The following CHRNA7 variants were observed in gnomAD, a reference collection of about 807,000 sequenced individuals.
The protein encoded by CHRNA7 is neuronal acetylcholine receptor subunit alpha-7.
CHRNA7 carries 17 observed loss-of-function variants against 48.0 expected under a neutral mutation model. The ratio of observed to expected loss-of-function variants is 0.35; its 90% CI spans 0.24 to 0.53. The LOEUF (loss-of-function observed/expected upper bound fraction) is 0.53, where lower values mean the gene tolerates loss of function less well. Ranked by LOEUF, CHRNA7 falls within the 20% of genes least tolerant of loss-of-function variation. The pLI is 0.92. For synonymous variants in CHRNA7, 75 were observed against 242.3 expected, an observed-to-expected ratio of 0.31 and a Z score of 6.41; for missense variants, 155 against 577.7, an observed-to-expected ratio of 0.27 and a Z score of 7.50.
chr15:32,081,324 T>C (rs2141232542), intron 2 of CHRNA7, among the ~76,000 whole-genome samples: 1 of 152,254 alleles, frequency 6.6e-6, no homozygotes, highest in Admixed American at 6.5e-5. Flanking sequence ...AATAAATAAA[T>C]TACTGTACTT....
intron 2 of CHRNA7, among the ~76,000 whole-genome samples, chr15:32,070,761 A>G (rs1019947124): frequency 3.0e-5 from 4 of 135,504 alleles, no homozygotes; most frequent in Non-Finnish European, 6.1e-5. Context: ...ATCTTGGCTC[A>G]CTGCAAACTC....
chr15:32,094,850 C>T (rs867731725), intron 2 of CHRNA7, among the ~76,000 whole-genome samples: 14 of 152,072 alleles, frequency 9.2e-5, no homozygotes, highest in African/African-American at 1.4e-4. Flanking sequence ...TTATTAGAGA[C>T]GGGGTTTCAC....
intron 2 of CHRNA7, among the ~76,000 whole-genome samples, chr15:32,089,308 G>GT (rs958938408): frequency 2.2e-4 from 32 of 147,250 alleles, no homozygotes; most frequent in Middle Eastern, 3.5e-3. Flanking sequence ...TGGATAATCT[G>GT]TTTTTTTTTT....
At chr15:32,106,822 A>G (rs1250087143) in intron 3 of CHRNA7, among the ~76,000 whole-genome samples, 1 of 152,180 alleles carries the variant, frequency 6.6e-6, no homozygotes, top group African/African-American at 2.4e-5. Context: ...TATGGTACTA[A>G]TAGCATTCAC....
chr15:32,030,547 C>G lies in CHRNA7; in HGVS notation c.-48C>G, dbSNP rs201089931. Reference sequence around the variant, plus strand: ...TGGCCGCAGGCGCAGGCCCGGGCGACAGCCGAGACGTGGAGCGCGCCGGCT... The same window carrying G: ...TGGCCGCAGGCGCAGGCCCGGGCGAGAGCCGAGACGTGGAGCGCGCCGGCT... On this transcript the variant is annotated 5_prime_UTR_variant, in exon 1 of 10. Transcript: ENST00000306901. The G allele has an allele frequency of 1.7e-5, 24 of 1,423,852 alleles. No homozygotes were observed. Among genetic ancestry groups the G allele is most frequent in the Admixed American group, 5.7e-5 (2 of 35,054 alleles). The allele number at this position is 1,423,852 out of a possible 1,614,324, so 88.2% of individuals were successfully genotyped here.
At chr15:32,105,093 C>T (rs2050640848) in intron 3 of CHRNA7, among the ~76,000 whole-genome samples, 1 of 152,154 alleles carries the variant, frequency 6.6e-6, no homozygotes, top group Non-Finnish European at 1.5e-5. Flanking sequence ...AGGGTGTCAC[C>T]AGAGACCTCT....
intron 2 of CHRNA7, among the ~76,000 whole-genome samples, chr15:32,095,214 GA>G (rs2050447651): frequency 6.6e-6 from 1 of 152,212 alleles, no homozygotes. Flanking sequence ...TGTATCCCGA[GA>G]GGGCCAGGCC....
At position 32,170,552 on chromosome 15, in the gene CHRNA7, G is replaced by T. The variant is rs2052396809; in HGVS notation, c.*2094G>T. The T allele has an allele frequency of 1.4e-5, 2 of 146,618 alleles. No homozygotes were observed. The highest frequency in any genetic ancestry group is 4.5e-4 in the South Asian group (2 of 4,480). The allele number at this position is 146,618 out of a possible 1,614,324, so 9.1% of individuals were successfully genotyped here. On this transcript the variant is annotated 3_prime_UTR_variant, in exon 10 of 10. Transcript: ENST00000306901. ...CCCTCCCACATTTTTGCTTTAAAAA[G>T]AAACCTTTTTGGTTTTGTATTTTAT...
chr15:32,097,727 A>G (rs2050496136), intron 2 of CHRNA7, among the ~76,000 whole-genome samples: 1 of 152,186 alleles, frequency 6.6e-6, no homozygotes, highest in South Asian at 2.1e-4. Context: ...AAATGTGCAT[A>G]TTTATTCACA....
chr15:32,097,195 G>A (rs2050485209), intron 2 of CHRNA7, among the ~76,000 whole-genome samples: 1 of 152,140 alleles, frequency 6.6e-6, no homozygotes, highest in Non-Finnish European at 1.5e-5. Context: ...AGGGTCTTTT[G>A]CCTGTGTGGA....
rs149537176 is a variant in CHRNA7, at chr15:32,044,480, A to G, written c.195+13443A>G. 4.2e-3 allele frequency among the ~76,000 whole-genome samples: 639 copies of G among 152,066 alleles called. 9 individuals carry two copies. Among genetic ancestry groups the G allele is most frequent in the African/African-American group, 0.015 (612 of 41,466 alleles). On this transcript the variant is annotated intron_variant, in intron 2 of 9. Transcript: ENST00000306901. Reference sequence around the variant, plus strand: ...TTTAGTAGAGACAGGTTTTCACCATATTGGCCAGGCTGGTCTCCAACTCCT... The same window carrying G: ...TTTAGTAGAGACAGGTTTTCACCATGTTGGCCAGGCTGGTCTCCAACTCCT...
chr15:32,147,107 A>G (rs923464658), intron 4 of CHRNA7, among the ~76,000 whole-genome samples: 10 of 152,358 alleles, frequency 6.6e-5, no homozygotes, highest in East Asian at 1.9e-4. Flanking sequence ...GTCCTATGCC[A>G]TATCCAGTTG....
At chr15:32,081,745 T>C (rs1318307847) in intron 2 of CHRNA7, among the ~76,000 whole-genome samples, 1 of 152,162 alleles carries the variant, frequency 6.6e-6, no homozygotes, top group Non-Finnish European at 1.5e-5. Flanking sequence ...CCAACAAACA[T>C]AACTTAGAAT....
chr15:32,067,708 T>C (rs1163863433), intron 2 of CHRNA7, among the ~76,000 whole-genome samples: 1 of 152,234 alleles, frequency 6.6e-6, no homozygotes, highest in East Asian at 1.9e-4. Flanking sequence ...TGTGTTGATA[T>C]GCATACAGTG....
chr15:32,145,149 G>GT (rs1279631532), intron 4 of CHRNA7, among the ~76,000 whole-genome samples: 1 of 152,178 alleles, frequency 6.6e-6, no homozygotes, highest in East Asian at 1.9e-4. Flanking sequence ...CTGTTTGTTA[G>GT]TTTTCCTTTT....
intron 2 of CHRNA7, among the ~76,000 whole-genome samples, chr15:32,070,940 G>A (rs1011511766): frequency 6.6e-6 from 1 of 152,038 alleles, no homozygotes; most frequent in African/African-American, 2.4e-5. Context: ...GCCCATCTCA[G>A]CCTCCCAAAG....
chr15:32,117,979 G>A (rs1264260423), intron 4 of CHRNA7, among the ~76,000 whole-genome samples: 2 of 152,194 alleles, frequency 1.3e-5, no homozygotes, highest in African/African-American at 4.8e-5. Context: ...TCCAGAATTT[G>A]TGTTAAAATT....
At chr15:32,143,853 G>A (rs1457652463) in intron 4 of CHRNA7, among the ~76,000 whole-genome samples, 1 of 152,064 alleles carries the variant, frequency 6.6e-6, no homozygotes, top group African/African-American at 2.4e-5. Context: ...GCACACTGAT[G>A]GGTCTTGACT....
At chr15:32,151,429 C>T (rs940570829) in intron 4 of CHRNA7, among the ~76,000 whole-genome samples, 1 of 152,148 alleles carries the variant, frequency 6.6e-6, no homozygotes. Context: ...ACAAGCTCTT[C>T]AAGGCTTTAA....
Sources: gnomAD v4.1 joint callset for allele counts (sites outside exome capture counted in the v4.1 genomes callset) on GRCh38, gnomAD v4.1.1 for gene constraint, MANE v1.5 for transcripts, NCBI Gene and HGNC (gene_info 2026-07-23, HGNC 2026-07-21) for gene names.